Variants in GUCY2C observed in about 807,000 individuals in gnomAD.
The protein encoded by GUCY2C is guanylyl cyclase C.
Under a neutral mutation model 131.1 loss-of-function variants are expected in GUCY2C, and 118 were observed. The ratio of observed to expected loss-of-function variants is 0.90; its 90% confidence interval spans 0.78 to 1.05. GUCY2C has a LOEUF of 1.05. Ranked by LOEUF, GUCY2C falls within the 50% of genes least tolerant of loss-of-function variation. The pLI is 0.00. For synonymous variants in GUCY2C, 452 were observed against 457.8 expected (o/e 0.99, Z 0.16); for missense variants, 1,161 against 1,304.4 (o/e 0.89, Z 1.69).
At chr12:14,636,599 TCA>T (rs1947275064) in intron 19 of GUCY2C, among the ~76,000 whole-genome samples, 1 of 152,140 alleles carries the variant, frequency 6.6e-6, no homozygotes, top group South Asian at 2.1e-4. Flanking sequence ...ATGCCCAATT[TCA>T]CCTCTCCTAT....
intron 23 of GUCY2C, 200 bp from the exon 24 acceptor site, chr12:14,619,509 A>G (rs1946848743): frequency 2.0e-6 from 1 of 502,240 alleles, no homozygotes; most frequent in Non-Finnish European, 3.5e-6. Context: ...GCATGCGATC[A>G]TAAAGTATTT....
intron 21 of GUCY2C, among the ~76,000 whole-genome samples, chr12:14,624,314 G>C (rs568628412): frequency 6.6e-6 from 1 of 152,080 alleles, no homozygotes; most frequent in Non-Finnish European, 1.5e-5. Flanking sequence ...GGTGGCAGGC[G>C]CCTGTAATCC....
chr12:14,696,390 A>G lies in GUCY2C; in HGVS notation c.59T>C (p.Leu20Pro). 2.5e-6 allele frequency: 4 copies of G among 1,614,146 alleles called. No individual in the cohort carries two copies. Among genetic ancestry groups the G allele is most frequent in the Non-Finnish European group, 3.4e-6 (4 of 1,180,010 alleles). The change falls in exon 1 of 27, where the codon CTG becomes CCG. Residue 20 changes from leucine to proline, a missense_variant. Leu to Pro is a moderately conservative substitution (Grantham distance 98). Coordinates refer to ENST00000261170, the MANE Select transcript of GUCY2C (RefSeq NM_004963.4). ...CTGACTCACCTGGGAACTAAAGGAC[A>G]GCCACCCGGGCTGGAAGAGCAGTGA... ...LWSLLFQPGW[L>P]SFSSQVSQNC...
At chr12:14,627,373 A>G (rs1947042666) in intron 20 of GUCY2C, among the ~76,000 whole-genome samples, 1 of 152,136 alleles carries the variant, frequency 6.6e-6, no homozygotes, top group Non-Finnish European at 1.5e-5. Context: ...AGAATTGTTT[A>G]ACAAGTTCCC....
chr12:14,683,085 A>G lies in GUCY2C; in HGVS notation c.568T>C (p.Ser190Pro). ...TCTGTACCATTCTTGTAAACATACG[A>G]AGTGCTCCAGGAATAAGTTTTGAAG... ...LPFKTYSWST[S>P]YVYKNGTETE... Residue 190 changes from serine (S) to proline (P), a missense_variant, in exon 4 of 27, where the codon TCG (serine) becomes CCG (proline). By Grantham distance (74) the Ser-to-Pro change is moderately conservative. Coordinates refer to ENST00000261170, the MANE Select transcript of GUCY2C (RefSeq NM_004963.4). The G allele has an allele frequency of 6.2e-7, 1 of 1,613,694 alleles. No homozygotes were observed. Among genetic ancestry groups the G allele is most frequent in the East Asian group, 2.2e-5 (1 of 44,860 alleles).
intron 25 of GUCY2C, 37 bp from the exon 26 acceptor site, chr12:14,614,980 A>G (rs746596911): frequency 5.2e-6 from 6 of 1,164,824 alleles, no homozygotes; most frequent in East Asian, 2.5e-5. Context: ...ACGGAGTCCA[A>G]GGAGTCAGTT....
In GUCY2C at chr12:14,632,228, T is replaced by A. The variant is rs1288565485; in HGVS notation, c.2158-3491A>T. ...TTTTGCTGTGCAGAAGCTCTTTAGTTTAATTAGATCCCATTTGTCAATTTT... is the reference window on the plus strand; with the variant it reads ...TTTTGCTGTGCAGAAGCTCTTTAGTATAATTAGATCCCATTTGTCAATTTT... On this transcript the variant is annotated intron_variant, in intron 19 of 26. Transcript: ENST00000261170. Among the ~76,000 whole-genome samples the A allele has an allele frequency of 2.0e-5, 3 of 152,136 alleles. No homozygotes were observed. In the East Asian group the frequency reaches 5.8e-4, roughly 29 times the overall value.
Position 14,675,699 on chromosome 12 carries a change from G to A in GUCY2C, c.949-939C>T, listed in dbSNP as rs181803582. ...AGCTGGAGAATGGTGACCTTCACAG[G>A]GCTGAGTGATGAATTAAAAGCCCTT... On this transcript the variant is annotated intron_variant, in intron 7 of 26. Transcript: ENST00000261170. 4.3e-4 allele frequency among the ~76,000 whole-genome samples: 65 copies of A among 152,252 alleles called. No individual in the cohort carries two copies. In the East Asian group the frequency reaches 9.1e-3, roughly 21 times the overall value.
intron 2 of GUCY2C, among the ~76,000 whole-genome samples, chr12:14,687,556 C>T (rs1373499159): frequency 6.6e-6 from 1 of 152,090 alleles, no homozygotes. Flanking sequence ...AGGAGCTCAA[C>T]CTGCAGTGAG....
At position 14,625,858 on chromosome 12, in the gene GUCY2C, C is replaced by A. The variant is rs1415894202; in HGVS notation, c.2307G>T (p.Gln769His). ...SYMDTLIRRL[Q>H]LYSRNLEHLV... ...GATGTTCCAGGTTTCGAGAATATAG[C>A]TGTAGACGTCGGATCAAGGTATCCA... Residue 769 changes from glutamine (Q) to histidine (H), a missense_variant, in exon 21 of 27, where the codon CAG becomes CAT. Physicochemically the swap from Gln to His is conservative, Grantham distance 24. Transcript: ENST00000261170. 1 of 1,613,630 alleles carries A rather than the reference C, an allele frequency of 6.2e-7. No homozygotes were observed. Among genetic ancestry groups the A allele is most frequent in the Non-Finnish European group, 8.5e-7 (1 of 1,179,708 alleles).
At position 14,656,666 on chromosome 12, in the gene GUCY2C, C is replaced by A; in HGVS notation, c.1365-49G>T. ...AATAGGTTTTTATTAATATCCATGT[C>A]ATTCAGCTTCTGAAGACTGGGTGAA... On this transcript the variant is annotated intron_variant, in intron 11 of 26. Transcript: ENST00000261170. The A allele has an allele frequency of 3.3e-6, 3 of 911,636 alleles. No individual in the cohort carries two copies. The South Asian group carries it at 4.1e-5, about 13-fold the overall frequency. The allele number at this position is 911,636 out of a possible 1,614,324, so 56.5% of individuals were successfully genotyped here.
At chr12:14,647,998 T>C (rs1947559726) in intron 15 of GUCY2C, among the ~76,000 whole-genome samples, 1 of 152,086 alleles carries the variant, frequency 6.6e-6, no homozygotes, top group South Asian at 2.1e-4. Context: ...ACTCGCATTG[T>C]TGCCCGGGCT....
chr12:14,635,335 A>G (rs756782999), intron 19 of GUCY2C, among the ~76,000 whole-genome samples: 12 of 152,180 alleles, frequency 7.9e-5, no homozygotes, highest in Non-Finnish European at 1.3e-4. Context: ...ACAAATACAT[A>G]AAAACTAAAC....
chr12:14,628,283 T>C (rs1412019893), intron 20 of GUCY2C, among the ~76,000 whole-genome samples: 1 of 152,324 alleles, frequency 6.6e-6, no homozygotes, highest in Middle Eastern at 3.4e-3. Context: ...AAGAACATGC[T>C]GATGTTAATA....
intron 9 of GUCY2C, among the ~76,000 whole-genome samples, chr12:14,670,973 C>T (rs1948094934): frequency 6.6e-6 from 1 of 151,502 alleles, no homozygotes; most frequent in African/African-American, 2.4e-5. Context: ...AGTGGAAACC[C>T]CTGATAAACC....
rs1487602351 is a variant in GUCY2C, at chr12:14,675,224, A to AG, written c.949-465_949-464insC. On this transcript the variant is annotated intron_variant, in intron 7 of 26. Coordinates refer to ENST00000261170, the MANE Select transcript of GUCY2C (RefSeq NM_004963.4). ...CTCCATCTCAAAAAAAAAAAAAAAA[A>AG]AAAAAGAAAAAAAGAAAGAAAGAAA... is the stretch of plus-strand genomic sequence containing the variant. Among the ~76,000 whole-genome samples the AG allele has an allele frequency of 6.4e-4, 93 of 144,836 alleles. 1 individual carries two copies. The East Asian group carries it at 0.011, about 17-fold the overall frequency.
chr12:14,626,073 C>CTCAT (rs1947007732), intron 20 of GUCY2C, among the ~76,000 whole-genome samples, 158 bp from the exon 21 acceptor site: 1 of 152,208 alleles, frequency 6.6e-6, no homozygotes, highest in Admixed American at 6.5e-5. Flanking sequence ...GGCACAGTGG[C>CTCAT]TCATGCCTGT....
intron 25 of GUCY2C, among the ~76,000 whole-genome samples, chr12:14,616,089 A>G (rs1038229151): frequency 2.0e-5 from 3 of 152,124 alleles, no homozygotes; most frequent in African/African-American, 7.2e-5. Context: ...TAGATTTCTG[A>G]TCTACGCCCA....
At chr12:14,639,115 T>C (rs941125177) in intron 19 of GUCY2C, among the ~76,000 whole-genome samples, 2 of 151,978 alleles carry the variant, frequency 1.3e-5, no homozygotes, top group East Asian at 1.9e-4. Flanking sequence ...CTGGCCAACA[T>C]GGTGAAACCC....
Sources: gnomAD v4.1 joint callset for allele counts (sites outside exome capture counted in the v4.1 genomes callset) on GRCh38, gnomAD v4.1.1 for gene constraint, MANE v1.5 for transcripts, NCBI Gene and HGNC (gene_info 2026-07-23, HGNC 2026-07-21) for gene names.